Variants in TDRP observed in about 807,000 individuals in gnomAD.
The protein encoded by TDRP is testis development related protein.
A neutral mutation model predicts 10.5 loss-of-function variants in TDRP; 12 were observed. The observed-to-expected ratio is 1.15, with a 90% CI of 0.73 to 1.86. The LOEUF is 1.86. TDRP is among the 40% of genes most tolerant of loss of function. TDRP has a pLI of 0.00. For synonymous variants in TDRP, 139 were observed against 95.4 expected, an observed-to-expected ratio of 1.46 and a Z score of -2.67; for missense variants, 353 against 229.2, an observed-to-expected ratio of 1.54 and a Z score of -3.49.
chr8:532,313 C>T (rs1373003384), intron 1 of TDRP, among the ~76,000 whole-genome samples: 1 of 152,182 alleles, frequency 6.6e-6, no homozygotes, highest in African/African-American at 2.4e-5. Flanking sequence ...AGCCATGCAC[C>T]CACTGAAACC....
rs1801979159 is a variant in TDRP, at chr8:524,240, T to G, written c.108+20410A>C. Among the ~76,000 whole-genome samples the G allele has an allele frequency of 3.3e-5, 5 of 152,222 alleles. No homozygotes were observed. In the South Asian group the frequency reaches 1.0e-3, roughly 31 times the overall value. On this transcript the variant is annotated intron_variant, in intron 1 of 2. Transcript: ENST00000324079. The stretch of plus-strand genomic sequence containing the variant: ...TGCAAGAGTCACAGCATTACTGGGC[T>G]TGGGGTGCCCCTAATACAGTGACGA...
intron 2 of TDRP, among the ~76,000 whole-genome samples, chr8:494,262 A>G (rs1233927781): frequency 6.6e-6 from 1 of 151,920 alleles, no homozygotes; most frequent in East Asian, 1.9e-4. Context: ...TGCCCAGCCC[A>G]TTTCTGTTTA....
In TDRP at chr8:505,264, C is replaced by T. The variant is rs369422877; in HGVS notation, c.109-10667G>A. ...GTTAAGAACTGAAAAGGATTAATTC[C>T]GTAAGTGCATTAACTGTACAAGTCC... On this transcript the variant is annotated intron_variant, in intron 1 of 2. Coordinates refer to ENST00000324079, the MANE Select transcript of TDRP (RefSeq NM_001384899.1). Among the ~76,000 whole-genome samples the T allele has an allele frequency of 1.1e-4, 17 of 152,274 alleles. No homozygotes were observed. The South Asian group carries it at 2.1e-3, about 19-fold the overall frequency.
At chr8:495,701 TAAAGCAATCCTG>T (rs1471517131) in intron 1 of TDRP, among the ~76,000 whole-genome samples, 3 of 152,088 alleles carry the variant, frequency 2.0e-5, no homozygotes, top group African/African-American at 7.2e-5. Context: ...AATACAAAAA[TAAAGCAATCCTG>T]AAAGCTGACC....
chr8:492,806 A>G, intron 2 of TDRP, 62 bp from the exon 3 acceptor site: 1 of 1,258,408 alleles, frequency 7.9e-7, no homozygotes, highest in Non-Finnish European at 1.1e-6. Context: ...AGCTTTATCC[A>G]TTTTACAAAC....
chr8:496,215 T>A (rs185988442), intron 1 of TDRP, among the ~76,000 whole-genome samples: 1 of 152,338 alleles, frequency 6.6e-6, no homozygotes, highest in East Asian at 1.9e-4. Context: ...ACACAACCCA[T>A]GTCATGCTGA....
Position 491,993 on chromosome 8 carries a change from G to C in TDRP, c.*406C>G, listed in dbSNP as rs964072756. 16 of 1,117,038 alleles carry C rather than the reference G, an allele frequency of 1.4e-5. No individual in the cohort carries two copies. The highest frequency in any genetic ancestry group is 3.8e-4 in the Middle Eastern group (1 of 2,654). 69.2% of individuals were successfully genotyped at this position (1,117,038 alleles called of 1,614,324 possible). A position where few individuals can be genotyped will look rare whatever the true frequency, so the allele number is the denominator to read the frequency against. Reference sequence around the variant, plus strand: ...AATTTTCTAGCAAAAGAAAAGAACTGCATGACAGCTGCATTTATACGTGCT... The same window carrying C: ...AATTTTCTAGCAAAAGAAAAGAACTCCATGACAGCTGCATTTATACGTGCT... On this transcript the variant is annotated 3_prime_UTR_variant, in exon 3 of 3. Transcript: ENST00000324079.
intron 1 of TDRP, among the ~76,000 whole-genome samples, chr8:495,546 A>G (rs1488782967): frequency 6.6e-6 from 1 of 152,248 alleles, no homozygotes; most frequent in African/African-American, 2.4e-5. Context: ...AATGGAGAAA[A>G]CCATCTGAAA....
intron 1 of TDRP, among the ~76,000 whole-genome samples, chr8:497,446 A>T (rs576802589): frequency 2.6e-4 from 39 of 152,334 alleles, no homozygotes; most frequent in Admixed American, 7.2e-4. Context: ...AGAAATTTCT[A>T]AGCAGCAAAG....
intron 1 of TDRP, among the ~76,000 whole-genome samples, chr8:514,137 A>C (rs1001058057): frequency 9.2e-5 from 14 of 152,220 alleles, no homozygotes; most frequent in African/African-American, 3.4e-4. Context: ...AAGCCAAAAT[A>C]ATCTTGAAAA....
At chr8:522,446 G>A (rs1383658271) in intron 1 of TDRP, among the ~76,000 whole-genome samples, 1 of 152,184 alleles carries the variant, frequency 6.6e-6, no homozygotes, top group Non-Finnish European at 1.5e-5. Flanking sequence ...CCTTTGCCAT[G>A]CATTGTGAAG....
At chr8:543,918 G>C (rs1364813363) in intron 1 of TDRP, among the ~76,000 whole-genome samples, 1 of 123,356 alleles carries the variant, frequency 8.1e-6, no homozygotes, top group East Asian at 2.8e-4. Context: ...CACTGCAATG[G>C]AAAAAGGGAG....
chr8:501,489 G>T (rs533314235), intron 1 of TDRP, among the ~76,000 whole-genome samples: 10 of 151,940 alleles, frequency 6.6e-5, no homozygotes, highest in Admixed American at 6.5e-4. Context: ...TGGAATTACA[G>T]GCGATGGCCA....
intron 1 of TDRP, among the ~76,000 whole-genome samples, chr8:536,578 G>C (rs1484304583): frequency 6.6e-6 from 1 of 152,056 alleles, no homozygotes; most frequent in Non-Finnish European, 1.5e-5. Context: ...AATATCTTGT[G>C]CTGGTAAATG....
At chr8:523,404 C>A (rs562821386) in intron 1 of TDRP, among the ~76,000 whole-genome samples, 1 of 152,204 alleles carries the variant, frequency 6.6e-6, no homozygotes, top group South Asian at 2.1e-4. Context: ...CCAAATTTAA[C>A]AACTATCTAC....
chr8:518,396 T>C (rs1340246210), intron 1 of TDRP, among the ~76,000 whole-genome samples: 1 of 152,200 alleles, frequency 6.6e-6, no homozygotes, highest in Non-Finnish European at 1.5e-5. Flanking sequence ...AGGTAACCTG[T>C]GCTACCAGTT....
In TDRP at chr8:492,517, G is replaced by A; in HGVS notation, c.440C>T (p.Thr147Ile). Residue 147 changes from threonine to isoleucine, a missense_variant, in exon 3 of 3, where the codon ACC (threonine) becomes ATC (isoleucine). Transcript: ENST00000324079. ...GCTGTTGGCAGAGCTGGCCAGGCTG[G>A]TGTACTTGGTCGAGCCCTTGGCGTC... ...EDDAKGSTKY[T>I]SLASSANSSR... 6.2e-7 allele frequency: 1 copy of A among 1,610,506 alleles called. No homozygotes were observed. The highest frequency in any genetic ancestry group is 8.5e-7 in the Non-Finnish European group (1 of 1,178,184).
At chr8:527,768 T>C (rs1168438891) in intron 1 of TDRP, among the ~76,000 whole-genome samples, 3 of 152,150 alleles carry the variant, frequency 2.0e-5, no homozygotes, top group African/African-American at 7.2e-5. Flanking sequence ...CAAATCAAAA[T>C]GGATTAAAGA....
chr8:491,439 C>T lies in TDRP; in HGVS notation c.*960G>A, dbSNP rs959258053. ...ACAGTAAGCAGACAGAAAAAGAACG[C>T]GAGAGATGCTCTCAAACCGGTCGTC... On this transcript the variant is annotated 3_prime_UTR_variant, in exon 3 of 3. Coordinates refer to ENST00000324079, the MANE Select transcript of TDRP (RefSeq NM_001384899.1). 2.0e-5 allele frequency: 11 copies of T among 561,344 alleles called. No individual in the cohort carries two copies. The highest frequency in any genetic ancestry group is 1.1e-4 in the South Asian group (3 of 26,850). The allele number at this position is 561,344 out of a possible 1,614,324, so 34.8% of individuals were successfully genotyped here. A position where few individuals can be genotyped will look rare whatever the true frequency, so the allele number is the denominator to read the frequency against.
Sources: gnomAD v4.1 joint callset for allele counts (sites outside exome capture counted in the v4.1 genomes callset) on GRCh38, gnomAD v4.1.1 for gene constraint, MANE v1.5 for transcripts, NCBI Gene and HGNC (gene_info 2026-07-23, HGNC 2026-07-21) for gene names.